Variants in GRIK1 observed in about 807,000 individuals in gnomAD.
GRIK1 encodes glutamate receptor ionotropic, kainate 1.
A neutral mutation model predicts 105.7 loss-of-function variants in GRIK1; 69 were observed. That is an observed-to-expected ratio of 0.65 (90% CI 0.54 to 0.80). The LOEUF is 0.80. Among genes scored for constraint, GRIK1 ranks in the 30% least tolerant of loss-of-function variants. GRIK1 has a pLI of 0.00. For missense variants in GRIK1, 1,109 were observed against 1,167.3 expected (o/e 0.95, Z 0.73); for synonymous variants, 438 against 431.3 (o/e 1.02, Z -0.19).
intron 1 of GRIK1, among the ~76,000 whole-genome samples, chr21:29,746,464 G>C (rs1220090882): frequency 6.6e-6 from 1 of 152,328 alleles, no homozygotes; most frequent in East Asian, 1.9e-4. Flanking sequence ...ATAAAATACA[G>C]AGGATAACCT....
chr21:29,682,146 T>C (rs1261014753), intron 3 of GRIK1, among the ~76,000 whole-genome samples: 1 of 152,226 alleles, frequency 6.6e-6, no homozygotes, highest in African/African-American at 2.4e-5. Flanking sequence ...CTTTCAGTGA[T>C]GCTAAAGTTG....
At chr21:29,796,971 A>C (rs992769145) in intron 1 of GRIK1, among the ~76,000 whole-genome samples, 7 of 24,116 alleles carry the variant, frequency 2.9e-4, no homozygotes, top group African/African-American at 7.0e-4. Flanking sequence ...ACAAACAAAC[A>C]ACAGAAAAAA....
At chr21:29,872,841 C>A (rs948583091) in intron 1 of GRIK1, among the ~76,000 whole-genome samples, 1 of 152,116 alleles carries the variant, frequency 6.6e-6, no homozygotes, top group Non-Finnish European at 1.5e-5. Context: ...CCACTGGGTC[C>A]CTTCCATGAC....
In GRIK1 at chr21:29,781,657, CTTTTTTTTTT is replaced by C. The variant is rs71191125; in HGVS notation, c.119-87604_119-87595del. 4.3e-5 allele frequency among the ~76,000 whole-genome samples: 3 copies of C among 69,260 alleles called. No homozygotes were observed. The South Asian group carries it at 2.4e-3, about 55-fold the overall frequency. The allele number at this position is 69,260 out of a possible 152,430, so 45.4% of individuals were successfully genotyped here. A position where few individuals can be genotyped will look rare whatever the true frequency, so the allele number is the denominator to read the frequency against. On this transcript the variant is annotated intron_variant, in intron 1 of 17. Transcript: ENST00000327783. ...TACATGTGCACCTAACCTACTGTTT[CTTTTTTTTTT>C]TTTTTTTTTTTTTTGAGACGGAGTC...
At chr21:29,802,302 T>A (rs1192060408) in intron 1 of GRIK1, among the ~76,000 whole-genome samples, 1 of 152,172 alleles carries the variant, frequency 6.6e-6, no homozygotes, top group Non-Finnish European at 1.5e-5. Flanking sequence ...CTACCTTAAC[T>A]TAAGGCTTTA....
chr21:29,908,362 A>T (rs985869050), intron 1 of GRIK1, among the ~76,000 whole-genome samples: 2 of 151,912 alleles, frequency 1.3e-5, no homozygotes, highest in African/African-American at 4.8e-5. Flanking sequence ...CTCCTTGTCA[A>T]TCCCCATTTT....
intron 7 of GRIK1, among the ~76,000 whole-genome samples, chr21:29,615,787 C>T (rs944690342): frequency 3.3e-5 from 5 of 152,182 alleles, no homozygotes; most frequent in South Asian, 4.1e-4. Context: ...AATTTTCCAA[C>T]GTCAAAGGCT....
chr21:29,560,307 CT>C (rs1325259539), intron 15 of GRIK1, among the ~76,000 whole-genome samples: 2 of 112,508 alleles, frequency 1.8e-5, no homozygotes, highest in African/African-American at 7.7e-5. Context: ...TTCTTTCTTT[CT>C]TTCTTTCTTT....
chr21:29,850,102 GCTGA>G (rs771258238), intron 1 of GRIK1, among the ~76,000 whole-genome samples: 3 of 152,124 alleles, frequency 2.0e-5, no homozygotes, highest in South Asian at 2.1e-4. Flanking sequence ...GTTCGGTTTC[GCTGA>G]CTTTCAGAAG....
At chr21:29,805,536 T>A (rs549167876) in intron 1 of GRIK1, among the ~76,000 whole-genome samples, 1 of 152,260 alleles carries the variant, frequency 6.6e-6, no homozygotes, top group East Asian at 1.9e-4. Context: ...GAAGAAATTG[T>A]TTTCTTCTAG....
At chr21:29,723,623 G>A (rs186162691) in intron 1 of GRIK1, among the ~76,000 whole-genome samples, 85 of 152,292 alleles carry the variant, frequency 5.6e-4, no homozygotes, top group African/African-American at 1.8e-3. Flanking sequence ...GAGATATTGG[G>A]AAACCTATTT....
chr21:29,914,266 A>G (rs1364837410), intron 1 of GRIK1, among the ~76,000 whole-genome samples: 1 of 152,076 alleles, frequency 6.6e-6, no homozygotes, highest in East Asian at 1.9e-4. Flanking sequence ...GTTTAAGCCA[A>G]GCCTAGTAGC....
intron 1 of GRIK1, among the ~76,000 whole-genome samples, chr21:29,781,487 C>T (rs983365009): frequency 3.3e-5 from 5 of 152,110 alleles, no homozygotes; most frequent in Admixed American, 2.0e-4. Context: ...CTCTCTTCCC[C>T]ACCCCAAGCT....
chr21:29,712,054 A>T (rs1183379101), intron 1 of GRIK1, among the ~76,000 whole-genome samples: 1 of 148,508 alleles, frequency 6.7e-6, no homozygotes, highest in African/African-American at 2.5e-5. Context: ...GTGTGTGTGT[A>T]TACGTATATA....
At chr21:29,760,282 G>T (rs998275583) in intron 1 of GRIK1, 3 of 152,186 alleles carry the variant, frequency 2.0e-5, no homozygotes, top group African/African-American at 7.2e-5. Flanking sequence ...GAGTATATGC[G>T]CTGGGCTGGG....
chr21:29,597,626 C>A, intron 8 of GRIK1: 1 of 465,780 alleles, frequency 2.1e-6, no homozygotes, highest in Admixed American at 2.4e-5. Context: ...TCTATCAGGG[C>A]ATGTCAGACC....
At chr21:29,889,536 A>G (rs1251644319) in intron 1 of GRIK1, among the ~76,000 whole-genome samples, 1 of 151,578 alleles carries the variant, frequency 6.6e-6, no homozygotes, top group Non-Finnish European at 1.5e-5. Flanking sequence ...CTTCTATTCC[A>G]GTAAATATCC....
chr21:29,840,817 A>G (rs2067957311), intron 1 of GRIK1, among the ~76,000 whole-genome samples: 1 of 152,160 alleles, frequency 6.6e-6, no homozygotes, highest in African/African-American at 2.4e-5. Context: ...ATAATACACT[A>G]TAGAAAATAG....
At chr21:29,677,013 G>A (rs143180561) in intron 3 of GRIK1, among the ~76,000 whole-genome samples, 136 of 152,232 alleles carry the variant, frequency 8.9e-4, no homozygotes, top group African/African-American at 3.2e-3. Context: ...TGGTTATAAC[G>A]AGAAAGGTCC....
Sources: allele counts gnomAD v4.1 joint callset (sites outside exome capture counted in the v4.1 genomes callset), GRCh38; gene constraint gnomAD v4.1.1; transcripts MANE v1.5; gene names NCBI Gene and HGNC (gene_info 2026-07-23, HGNC 2026-07-21).